The following KANSL1 variants were observed in gnomAD, a reference collection of about 807,000 sequenced individuals.
KANSL1 encodes KAT8 regulatory NSL complex subunit 1.
A neutral mutation model predicts 103.6 loss-of-function variants in KANSL1; 22 were observed. The ratio of observed to expected loss-of-function variants is 0.21; its 90% confidence interval spans 0.15 to 0.30. The LOEUF is 0.30. KANSL1 is among the 10% of genes least tolerant of loss of function. The probability of loss-of-function intolerance (pLI) is 1.00; values close to 1 mark genes in which losing one functional copy is unlikely to be tolerated. For missense variants in KANSL1, 1,337 were observed against 1,399.8 expected (o/e 0.96, Z 0.72); for synonymous variants, 600 against 527.6 (o/e 1.14, Z -1.88).
chr17:46,182,827 T>C (rs989247046), intron 1 of KANSL1, among the ~76,000 whole-genome samples: 23 of 152,386 alleles, frequency 1.5e-4, no homozygotes, highest in Middle Eastern at 3.4e-3. Flanking sequence ...TGCTTTTAAC[T>C]ACTACACTAG....
At chr17:46,137,866 C>CAAA (rs368446805) in intron 2 of KANSL1, among the ~76,000 whole-genome samples, 820 of 92,066 alleles carry the variant, frequency 8.9e-3, no homozygotes, top group Middle Eastern at 0.024. Context: ...GACTCTGTCT[C>CAAA]AAAAAAAAAA....
intron 7 of KANSL1, chr17:46,043,985 G>T (rs78015919): frequency 7.6e-6 from 1 of 132,386 alleles, no homozygotes; most frequent in African/African-American, 2.6e-5. Context: ...AGATCCCCCA[G>T]TCAGTAAAAA....
At chr17:46,189,616 T>C (rs2732592) in intron 1 of KANSL1, among the ~76,000 whole-genome samples, 81,401 of 151,458 alleles carry the variant, frequency 0.54, 22,058 homozygotes, top group East Asian at 0.89. Flanking sequence ...AGCGTAGTGG[T>C]TCATGCCTGT....
intron 7 of KANSL1, 116 bp from the exon 8 acceptor site, chr17:46,040,000 G>A (rs2077265267): frequency 7.0e-6 from 6 of 853,190 alleles, no homozygotes; most frequent in Admixed American, 4.3e-5. Context: ...GGCAGGGCAA[G>A]TGCTGTCATA....
intron 2 of KANSL1, chr17:46,148,304 C>T (rs1344172302): frequency 2.0e-5 from 3 of 152,188 alleles, no homozygotes; most frequent in Admixed American, 6.5e-5. Flanking sequence ...AGAGGAGGAA[C>T]ATAAATCAGT....
intron 6 of KANSL1, among the ~76,000 whole-genome samples, chr17:46,065,933 A>C (rs918082473): frequency 6.6e-6 from 1 of 152,146 alleles, no homozygotes; most frequent in African/African-American, 2.4e-5. Context: ...GCACAAATAC[A>C]GCTCAAAGCA....
rs1315586365 is a variant in KANSL1, at chr17:46,029,931, TTTTA to T, written c.*1541_*1544del. On this transcript the variant is annotated 3_prime_UTR_variant, in exon 15 of 15. Coordinates refer to ENST00000432791, the MANE Select transcript of KANSL1 (RefSeq NM_015443.4). ...GTACACAGCATTCTGTAACTTTTTT[TTTTA>T]TTTTTTTCAATTTTTCCTTCTTTTT... The T allele has an allele frequency of 6.6e-6, 1 of 151,776 alleles. No homozygotes were observed. The highest frequency in any genetic ancestry group is 1.5e-5 in the Non-Finnish European group (1 of 67,834). The allele number at this position is 151,776 out of a possible 1,614,324, so 9.4% of individuals were successfully genotyped here. A position where few individuals can be genotyped will look rare whatever the true frequency, so the allele number is the denominator to read the frequency against.
At chr17:46,150,144 A>T (rs17585012) in intron 2 of KANSL1, among the ~76,000 whole-genome samples, 21,747 of 150,732 alleles carry the variant, frequency 0.14, 2,135 homozygotes, top group Non-Finnish European at 0.22. Flanking sequence ...ATCTTCATTA[A>T]CCTTGGTCAT....
At chr17:46,126,298 T>C (rs2043552979) in intron 2 of KANSL1, among the ~76,000 whole-genome samples, 2 of 152,160 alleles carry the variant, frequency 1.3e-5, no homozygotes, top group South Asian at 2.1e-4. Flanking sequence ...AAAAATTAGC[T>C]GGGCGTGGTG....
At chr17:46,169,004 A>G (rs2046146963) in intron 2 of KANSL1, among the ~76,000 whole-genome samples, 1 of 152,242 alleles carries the variant, frequency 6.6e-6, no homozygotes, top group Non-Finnish European at 1.5e-5. Context: ...CAAAACTCAG[A>G]AATGTTTTCA....
At chr17:46,152,741 A>C (rs147839914) in intron 2 of KANSL1, among the ~76,000 whole-genome samples, 1 of 152,256 alleles carries the variant, frequency 6.6e-6, no homozygotes, top group African/African-American at 2.4e-5. Flanking sequence ...CGAGGGTTTC[A>C]TAAGTTACTG....
chr17:46,081,849 C>G lies in KANSL1; in HGVS notation c.1533+592G>C, dbSNP rs1421481411. ...TCAAGAAATATGAATATTCATAAAA[C>G]CCAGTAACCTTTTAGGCAAAGTAAA... is the stretch of plus-strand genomic sequence containing the variant. On this transcript the variant is annotated intron_variant, in intron 4 of 14. Transcript: ENST00000432791. 7.2e-5 allele frequency among the ~76,000 whole-genome samples: 11 copies of G among 152,040 alleles called. No individual in the cohort carries two copies. The South Asian group carries it at 2.3e-3, about 32-fold the overall frequency.
intron 2 of KANSL1, among the ~76,000 whole-genome samples, chr17:46,118,598 T>C (rs1216413790): frequency 2.6e-5 from 4 of 152,226 alleles, no homozygotes; most frequent in Non-Finnish European, 4.4e-5. Context: ...GATTTCTAGG[T>C]GATGGTCCAA....
intron 1 of KANSL1, among the ~76,000 whole-genome samples, chr17:46,213,284 GTTT>G (rs1394281862): frequency 6.6e-6 from 1 of 151,032 alleles, no homozygotes; most frequent in Non-Finnish European, 1.5e-5. Flanking sequence ...CGTTTTATTT[GTTT>G]TTTGTTGTTG....
At chr17:46,105,736 T>C (rs961363823) in intron 2 of KANSL1, among the ~76,000 whole-genome samples, 4 of 152,064 alleles carry the variant, frequency 2.6e-5, no homozygotes, top group African/African-American at 9.7e-5. Flanking sequence ...CCGGGAATGG[T>C]GGTGCAAGCC....
intron 7 of KANSL1, among the ~76,000 whole-genome samples, chr17:46,048,968 T>C (rs963947411): frequency 3.3e-5 from 5 of 152,258 alleles, no homozygotes; most frequent in Admixed American, 6.5e-5. Flanking sequence ...AATAGGACCA[T>C]GTAACTGAGC....
At chr17:46,166,502 C>T (rs62060890) in intron 2 of KANSL1, among the ~76,000 whole-genome samples, 21,868 of 151,164 alleles carry the variant, frequency 0.14, 2,124 homozygotes, top group Non-Finnish European at 0.22. Flanking sequence ...ACAAGAGCAA[C>T]ATTCGGTCTC....
Position 46,179,860 on chromosome 17 carries a change from G to A in KANSL1, c.-89-7628C>T, listed in dbSNP as rs539149911. Among the ~76,000 whole-genome samples the A allele has an allele frequency of 9.9e-5, 15 of 152,114 alleles. No homozygotes were observed. In the South Asian group the frequency reaches 2.7e-3, roughly 27 times the overall value. On this transcript the variant is annotated intron_variant, in intron 1 of 14. Coordinates refer to ENST00000432791, the MANE Select transcript of KANSL1 (RefSeq NM_015443.4). Reference sequence around the variant, plus strand: ...GAGGCGGGTAGATCACCTGAGATCAGGAGACCAGCCTGGCCAACATGGCGA... The same window carrying A: ...GAGGCGGGTAGATCACCTGAGATCAAGAGACCAGCCTGGCCAACATGGCGA...
At chr17:46,166,994 G>GT (rs2046034000) in intron 2 of KANSL1, among the ~76,000 whole-genome samples, 2 of 149,810 alleles carry the variant, frequency 1.3e-5, no homozygotes, top group Middle Eastern at 3.4e-3. Context: ...TAAGCCTAGA[G>GT]TAACGGTTGG....
Sources: allele counts gnomAD v4.1 joint callset (sites outside exome capture counted in the v4.1 genomes callset), GRCh38; gene constraint gnomAD v4.1.1; transcripts MANE v1.5; gene names NCBI Gene and HGNC (gene_info 2026-07-23, HGNC 2026-07-21).